TCF12: variants seen among roughly 807,000 people sequenced by gnomAD.
TCF12 encodes the protein DNA-binding protein HTF4.
A neutral mutation model predicts 86.0 loss-of-function variants in TCF12; 45 were observed. The ratio of observed to expected loss-of-function variants is 0.52; its 90% CI spans 0.41 to 0.67. The LOEUF (loss-of-function observed/expected upper bound fraction) is 0.67. Among genes scored for constraint, TCF12 ranks in the 30% least tolerant of loss-of-function variants. TCF12 has a pLI of 0.00. For missense variants in TCF12, 881 were observed against 859.9 expected (o/e 1.02, Z -0.31); for synonymous variants, 330 against 299.6 (o/e 1.10, Z -1.05).
intron 16 of TCF12, among the ~76,000 whole-genome samples, chr15:57,258,271 C>T (rs1260674343): frequency 3.3e-5 from 5 of 151,978 alleles, no homozygotes; most frequent in African/African-American, 1.2e-4. Context: ...CAAAGTGAGA[C>T]CCTGTATCAA....
At chr15:57,005,757 A>T (rs777474800) in intron 3 of TCF12, among the ~76,000 whole-genome samples, 1 of 151,938 alleles carries the variant, frequency 6.6e-6, no homozygotes, top group Non-Finnish European at 1.5e-5. Flanking sequence ...TTTTGTAGAG[A>T]CAGGGTCTCA....
intron 5 of TCF12, among the ~76,000 whole-genome samples, chr15:57,139,262 C>T (rs1596759289): frequency 2.0e-5 from 3 of 152,250 alleles, no homozygotes; most frequent in Middle Eastern, 6.8e-3. Flanking sequence ...ATTTCTTACT[C>T]ATGTGTACCA....
chr15:57,276,244 A>C (rs1285896456), intron 19 of TCF12, among the ~76,000 whole-genome samples: 4 of 152,252 alleles, frequency 2.6e-5, no homozygotes, highest in African/African-American at 7.2e-5. Flanking sequence ...TGGTCCCAGA[A>C]TCACCTGAAG....
intron 5 of TCF12, among the ~76,000 whole-genome samples, chr15:57,120,030 G>A (rs1424425463): frequency 6.6e-6 from 1 of 152,176 alleles, no homozygotes; most frequent in Admixed American, 6.5e-5. Context: ...TTTTATGTTT[G>A]CATGCTTTTC....
At chr15:57,214,816 G>A (rs759439228) in intron 8 of TCF12, among the ~76,000 whole-genome samples, 4 of 152,046 alleles carry the variant, frequency 2.6e-5, no homozygotes, top group Non-Finnish European at 2.9e-5. Context: ...AGTGCCACTT[G>A]AGTAAAGATC....
rs185197346 is a variant in TCF12, at chr15:56,918,742, G to A, written c.-187G>A. The A allele has an allele frequency of 3.0e-3, 506 of 167,160 alleles. 16 individuals are homozygous for A. The highest frequency in any genetic ancestry group is 0.027 in the Admixed American group (457 of 17,070). The allele number at this position is 167,160 out of a possible 1,614,324, so 10.4% of individuals were successfully genotyped here. ...GGGGACCGACAGCCCGCCCCGGGAG[G>A]AAGGGGCGGCCAGGCCCGAAAGCCG... On this transcript the variant is annotated 5_prime_UTR_variant, in exon 1 of 21. Coordinates refer to ENST00000333725, the MANE Select transcript of TCF12 (RefSeq NM_207037.2).
In TCF12 at chr15:57,140,909, G is replaced by C. The variant is rs537837530; in HGVS notation, c.326-25493G>C. Among the ~76,000 whole-genome samples the C allele has an allele frequency of 1.4e-4, 22 of 152,020 alleles. No homozygotes were observed. In the South Asian group the frequency reaches 4.6e-3, roughly 32 times the overall value. On this transcript the variant is annotated intron_variant, in intron 5 of 20. Coordinates refer to ENST00000333725, the MANE Select transcript of TCF12 (RefSeq NM_207037.2). ...CCTTTTTGCATGCCTTTACATCTCTGTCAAGGTATTGTCCAATCTGTGCTT... is the reference window on the plus strand; with the variant it reads ...CCTTTTTGCATGCCTTTACATCTCTCTCAAGGTATTGTCCAATCTGTGCTT...
At chr15:57,030,621 T>C (rs1435578735) in intron 3 of TCF12, among the ~76,000 whole-genome samples, 3 of 152,156 alleles carry the variant, frequency 2.0e-5, no homozygotes, top group Non-Finnish European at 2.9e-5. Context: ...AATTGAAAAA[T>C]AGGAAAACTA....
intron 5 of TCF12, among the ~76,000 whole-genome samples, chr15:57,115,308 G>A (rs966772735): frequency 6.6e-6 from 1 of 152,146 alleles, no homozygotes; most frequent in Non-Finnish European, 1.5e-5. Flanking sequence ...AAACATAAGT[G>A]TATTTTAGTC....
intron 8 of TCF12, among the ~76,000 whole-genome samples, chr15:57,223,643 G>GTTTTTTGTTTTTTGTTTTTTTTTT (rs1456806093): frequency 2.9e-5 from 2 of 69,690 alleles, no homozygotes; most frequent in African/African-American, 9.8e-5. Context: ...TACCAATGAG[G>GTTTTTTGTTTTTTGTTTTTTTTTT]TTTTTTTTTT....
chr15:57,170,791 A>T (rs1325727213), intron 6 of TCF12, among the ~76,000 whole-genome samples: 10 of 22,364 alleles, frequency 4.5e-4, no homozygotes, highest in South Asian at 1.3e-3. Flanking sequence ...ATATATATAT[A>T]ATATATATAT....
intron 19 of TCF12, among the ~76,000 whole-genome samples, chr15:57,275,010 T>C (rs146039564): frequency 9.6e-4 from 146 of 152,320 alleles, no homozygotes; most frequent in African/African-American, 3.4e-3. Context: ...ATTTGTAACA[T>C]TGGAATTTCC....
chr15:56,962,838 A>T (rs1160762754), intron 3 of TCF12, among the ~76,000 whole-genome samples: 1 of 152,198 alleles, frequency 6.6e-6, no homozygotes, highest in Non-Finnish European at 1.5e-5. Context: ...GTTCGGTGAG[A>T]ACACCTAATG....
At chr15:57,216,061 C>G (rs914534444) in intron 8 of TCF12, among the ~76,000 whole-genome samples, 1 of 152,102 alleles carries the variant, frequency 6.6e-6, no homozygotes, top group Admixed American at 6.6e-5. Flanking sequence ...AGGCAAAGCA[C>G]GTTATGGCTT....
At chr15:56,955,582 A>G (rs1159218327) in intron 3 of TCF12, among the ~76,000 whole-genome samples, 2 of 152,166 alleles carry the variant, frequency 1.3e-5, no homozygotes, top group African/African-American at 4.8e-5. Context: ...AAAAAAAAGC[A>G]TTTGTGGTTA....
chr15:57,080,000 G>C (rs1835714138), intron 4 of TCF12, among the ~76,000 whole-genome samples: 1 of 152,088 alleles, frequency 6.6e-6, no homozygotes, highest in Non-Finnish European at 1.5e-5. Flanking sequence ...TAAAACAGCA[G>C]CTTTCTTGAA....
chr15:57,227,321 G>A (rs1384056435), intron 8 of TCF12, among the ~76,000 whole-genome samples: 4 of 152,040 alleles, frequency 2.6e-5, no homozygotes, highest in Non-Finnish European at 4.4e-5. Context: ...TATTGAAATC[G>A]AGAGCACAGT....
intron 5 of TCF12, among the ~76,000 whole-genome samples, chr15:57,117,707 A>C (rs1189198264): frequency 6.6e-6 from 1 of 152,232 alleles, no homozygotes; most frequent in Non-Finnish European, 1.5e-5. Context: ...TGTTATTGGT[A>C]AATTAAAATT....
intron 18 of TCF12, among the ~76,000 whole-genome samples, chr15:57,268,519 C>T (rs535525007): frequency 2.4e-4 from 37 of 152,212 alleles, no homozygotes; most frequent in African/African-American, 8.9e-4. Context: ...TCCCAAACCA[C>T]TTAGGTTACA....
Sources: gnomAD v4.1 joint callset for allele counts (sites outside exome capture counted in the v4.1 genomes callset) on GRCh38, gnomAD v4.1.1 for gene constraint, MANE v1.5 for transcripts, NCBI Gene and HGNC (gene_info 2026-07-23, HGNC 2026-07-21) for gene names.